CARMIL1: variants seen among roughly 807,000 people sequenced by gnomAD.
CARMIL1 encodes capping protein regulator and myosin 1 linker 1, also known as F-actin-uncapping protein LRRC16A.
Under a neutral mutation model 177.1 loss-of-function variants are expected in CARMIL1, and 90 were observed. That is an observed-to-expected ratio of 0.51 (90% CI 0.43 to 0.61). CARMIL1 has a LOEUF of 0.61. Among genes scored for constraint, CARMIL1 ranks in the 20% least tolerant of loss-of-function variants. CARMIL1 has a pLI of 0.00. For synonymous variants in CARMIL1, 577 were observed against 606.2 expected, an observed-to-expected ratio of 0.95 and a Z score of 0.71; for missense variants, 1,380 against 1,667.0, an observed-to-expected ratio of 0.83 and a Z score of 3.00.
intron 2 of CARMIL1, among the ~76,000 whole-genome samples, chr6:25,412,435 G>C (rs1441352218): frequency 6.6e-6 from 1 of 152,154 alleles, no homozygotes; most frequent in South Asian, 2.1e-4. Flanking sequence ...TTAAAAACTA[G>C]CTGGGCATGG....
At chr6:25,309,545 C>T (rs1482333327) in intron 2 of CARMIL1, among the ~76,000 whole-genome samples, 1 of 151,378 alleles carries the variant, frequency 6.6e-6, no homozygotes, top group Non-Finnish European at 1.5e-5. Context: ...TCCACCTATC[C>T]TTCTCAGCCC....
chr6:25,599,017 G>A (rs956970983), intron 32 of CARMIL1, among the ~76,000 whole-genome samples: 4 of 152,164 alleles, frequency 2.6e-5, no homozygotes, highest in Non-Finnish European at 5.9e-5. Context: ...TCCCTGTTTC[G>A]TGATCCTCAC....
intron 31 of CARMIL1, 22 bp from the exon 32 acceptor site, chr6:25,594,393 A>T (rs780824899): frequency 2.1e-6 from 3 of 1,455,032 alleles, no homozygotes; most frequent in Non-Finnish European, 2.9e-6. Flanking sequence ...GTGAATTAAC[A>T]TTACATCTGT....
chr6:25,279,516 C>A lies in CARMIL1; in HGVS notation c.-280C>A. 1.9e-6 allele frequency: 1 copy of A among 517,338 alleles called. No homozygotes were observed. Among genetic ancestry groups the A allele is most frequent in the South Asian group, 2.2e-5 (1 of 44,976 alleles). The allele number at this position is 517,338 out of a possible 1,614,324, so 32.0% of individuals were successfully genotyped here. A position where few individuals can be genotyped will look rare whatever the true frequency, so the allele number is the denominator to read the frequency against. On this transcript the variant is annotated 5_prime_UTR_variant, in exon 1 of 37. Transcript: ENST00000329474. ...GCCACAGCCGCCCCGCGCCCCGCGC[C>A]CGCTTGTAATCCGGTCCGCTCCTTA...
chr6:25,314,198 C>T (rs1784076830), intron 2 of CARMIL1, among the ~76,000 whole-genome samples: 1 of 129,176 alleles, frequency 7.7e-6, no homozygotes, highest in Non-Finnish European at 1.7e-5. Context: ...ACCTTGTGAT[C>T]CACCCACCCG....
chr6:25,502,258 A>G (rs981714905), intron 17 of CARMIL1, among the ~76,000 whole-genome samples: 1 of 151,004 alleles, frequency 6.6e-6, no homozygotes, highest in Non-Finnish European at 1.5e-5. Flanking sequence ...ACAAACAAAA[A>G]AAAAACAAAA....
chr6:25,521,494 G>C (rs1159454670), intron 23 of CARMIL1, among the ~76,000 whole-genome samples: 4 of 152,206 alleles, frequency 2.6e-5, no homozygotes, highest in Non-Finnish European at 5.9e-5. Context: ...ATGTGGATGG[G>C]CGCGATGGCT....
At chr6:25,285,514 T>C (rs1208742579) in intron 2 of CARMIL1, among the ~76,000 whole-genome samples, 5 of 152,128 alleles carry the variant, frequency 3.3e-5, no homozygotes, top group African/African-American at 1.2e-4. Context: ...GAAAACTTCT[T>C]AGAGAGGTGT....
At chr6:25,479,926 G>A (rs1285680979) in intron 11 of CARMIL1, among the ~76,000 whole-genome samples, 1 of 151,924 alleles carries the variant, frequency 6.6e-6, no homozygotes, top group African/African-American at 2.4e-5. Flanking sequence ...GAAATATATT[G>A]CTTAAGTTAT....
At chr6:25,427,464 A>AGGG (rs1796372909) in intron 4 of CARMIL1, among the ~76,000 whole-genome samples, 1 of 152,164 alleles carries the variant, frequency 6.6e-6, no homozygotes, top group Admixed American at 6.5e-5. Context: ...GCCTGATGTG[A>AGGG]GGGACATTTG....
chr6:25,482,393 C>T, intron 12 of CARMIL1, 50 bp downstream of exon 12: 2 of 791,214 alleles, frequency 2.5e-6, no homozygotes, highest in South Asian at 3.6e-5. Context: ...ATTTCTGCTG[C>T]ACCTGCTACC....
chr6:25,518,482 G>A (rs1806231152), intron 22 of CARMIL1, among the ~76,000 whole-genome samples: 1 of 152,134 alleles, frequency 6.6e-6, no homozygotes, highest in Admixed American at 6.5e-5. Context: ...CCCCTTCTCT[G>A]TGCTGACCCC....
intron 2 of CARMIL1, among the ~76,000 whole-genome samples, chr6:25,321,667 AT>A (rs11321101): frequency 0.28 from 41,353 of 147,896 alleles, 6,066 homozygotes; most frequent in East Asian, 0.4. Context: ...ATTTAATTTA[AT>A]TTTTTTTTTT....
At chr6:25,598,840 G>A (rs1815107629) in intron 32 of CARMIL1, among the ~76,000 whole-genome samples, 1 of 152,110 alleles carries the variant, frequency 6.6e-6, no homozygotes, top group African/African-American at 2.4e-5. Flanking sequence ...ATTTTGTTGC[G>A]GGGAGAGGGT....
intron 13 of CARMIL1, among the ~76,000 whole-genome samples, chr6:25,490,364 G>A (rs1237058798): frequency 6.6e-6 from 1 of 152,188 alleles, no homozygotes; most frequent in Non-Finnish European, 1.5e-5. Context: ...CTTCATGTGA[G>A]AGCAAAATGA....
intron 2 of CARMIL1, among the ~76,000 whole-genome samples, chr6:25,303,954 G>T (rs755842587): frequency 1.3e-5 from 2 of 152,214 alleles, no homozygotes; most frequent in Non-Finnish European, 2.9e-5. Flanking sequence ...AATCAGATAA[G>T]ATTAGTCTCC....
chr6:25,601,649 T>C (rs891171279), intron 33 of CARMIL1, among the ~76,000 whole-genome samples: 1 of 152,222 alleles, frequency 6.6e-6, no homozygotes, highest in African/African-American at 2.4e-5. Flanking sequence ...TCTATTAGAA[T>C]TAACTGAATA....
intron 9 of CARMIL1, among the ~76,000 whole-genome samples, chr6:25,466,451 A>G (rs1800604564): frequency 1.3e-5 from 2 of 152,226 alleles, no homozygotes; most frequent in South Asian, 4.1e-4. Context: ...ATCTGTTTTC[A>G]TAAGATATGA....
rs11288797 is a variant in CARMIL1, at chr6:25,323,420, C to CAA, written c.138+38530_138+38531dup. On this transcript the variant is annotated intron_variant, in intron 2 of 36. Coordinates refer to ENST00000329474, the MANE Select transcript of CARMIL1 (RefSeq NM_017640.6). The stretch of plus-strand genomic sequence containing the variant: ...GCAACAGAGCGAGACCCTGTCTCTA[C>CAA]AAAAAAAAAAAAAAAAAAAAGGCAA... Among the ~76,000 whole-genome samples the CAA allele has an allele frequency of 1.0e-3, 83 of 82,324 alleles. 1 individual carries two copies. The highest frequency in any genetic ancestry group is 1.4e-3 in the Admixed American group (11 of 7,678). The allele number at this position is 82,324 out of a possible 152,430, so 54.0% of individuals were successfully genotyped here.
Sources: allele counts gnomAD v4.1 joint callset (sites outside exome capture counted in the v4.1 genomes callset), GRCh38; gene constraint gnomAD v4.1.1; transcripts MANE v1.5; gene names NCBI Gene and HGNC (gene_info 2026-07-23, HGNC 2026-07-21).